HOXA3: variants seen among roughly 807,000 people sequenced by gnomAD.
HOXA3 encodes the protein homeobox A3, also known as homeobox protein Hox-A3.
In HOXA3, 8 loss-of-function variants were observed where a neutral mutation model predicts 30.3. That is an observed-to-expected ratio of 0.26 (90% CI 0.15 to 0.48). The LOEUF is 0.48. Ranked by LOEUF, HOXA3 falls within the 20% of genes least tolerant of loss-of-function variation. HOXA3 has a pLI of 0.99. For synonymous variants in HOXA3, 323 were observed against 273.1 expected (o/e 1.18, Z -1.80); for missense variants, 653 against 614.4 (o/e 1.06, Z -0.66).
intron 4 of HOXA3, among the ~76,000 whole-genome samples, chr7:27,111,178 G>C (rs1784355039): frequency 1.3e-5 from 2 of 152,214 alleles, no homozygotes; most frequent in African/African-American, 4.8e-5. Context: ...GGAATGTTGG[G>C]AAGGGAACGA....
intron 4 of HOXA3, among the ~76,000 whole-genome samples, chr7:27,111,310 G>C (rs143007259): frequency 6.6e-6 from 1 of 152,300 alleles, no homozygotes; most frequent in Admixed American, 6.5e-5. Flanking sequence ...CTGCTCCCAA[G>C]AGAGGTTTGC....
At position 27,129,365 on chromosome 7, in the gene HOXA3, T is replaced by C. The variant is rs1277884800; in HGVS notation, c.-389-2295A>G. 2 of 1,613,960 alleles carry C rather than the reference T, an allele frequency of 1.2e-6. No individual in the cohort carries two copies. The highest frequency in any genetic ancestry group is 2.7e-5 in the African/African-American group (2 of 74,876). ...GATCGCATCTTGGTGTTGGGCAGTTTGTGGTCTTTCTTCCACTTCATCCTC... is the reference window on the plus strand; with the variant it reads ...GATCGCATCTTGGTGTTGGGCAGTTCGTGGTCTTTCTTCCACTTCATCCTC... On this transcript the variant is annotated intron_variant, in intron 2 of 5. Coordinates refer to ENST00000612286, the MANE Select transcript of HOXA3 (RefSeq NM_153631.3).
At chr7:27,147,254 T>G (rs775595249) in intron 1 of HOXA3, 2 of 1,494,428 alleles carry the variant, frequency 1.3e-6, no homozygotes, top group Middle Eastern at 1.8e-4. Flanking sequence ...CCTTCTTTCT[T>G]TCTTTTCCTG....
chr7:27,147,396 C>T (rs1562732394), intron 1 of HOXA3: 1 of 1,614,220 alleles, frequency 6.2e-7, no homozygotes, highest in Non-Finnish European at 8.5e-7. Flanking sequence ...CTTTGCCCTG[C>T]CCGCTGCTGC....
At chr7:27,128,204 G>T (rs1785363860) in intron 2 of HOXA3, 2 of 152,242 alleles carry the variant, frequency 1.3e-5, no homozygotes, top group Admixed American at 1.3e-4. Flanking sequence ...TTGCAGGGAA[G>T]GACACGTTTC....
intron 2 of HOXA3, chr7:27,129,981 T>A: frequency 2.0e-6 from 2 of 1,010,202 alleles, no homozygotes; most frequent in South Asian, 3.0e-5. Context: ...CATACCCACA[T>A]CTCACCGCAG....
chr7:27,109,651 CT>C (rs1208485732), intron 5 of HOXA3, among the ~76,000 whole-genome samples: 2 of 152,218 alleles, frequency 1.3e-5, no homozygotes, highest in Non-Finnish European at 2.9e-5. Context: ...GCCACTCCAT[CT>C]GCTGGAGCAA....
Position 27,110,773 on chromosome 7 carries a change from G to A in HOXA3, c.-120-13C>T. ...GCCCCGCGCAGACCTGGTGGGGCGA[G>A]AAGCGCAGCGCGGTGAGGGCTCCGC... On this transcript the variant is annotated splice_polypyrimidine_tract_variant and intron_variant, in intron 4 of 5. Coordinates refer to ENST00000612286, the MANE Select transcript of HOXA3 (RefSeq NM_153631.3). The A allele has an allele frequency of 7.1e-7, 1 of 1,400,500 alleles. No homozygotes were observed. The highest frequency in any genetic ancestry group is 9.8e-7 in the Non-Finnish European group (1 of 1,020,342). 86.8% of individuals were successfully genotyped at this position (1,400,500 alleles called of 1,614,324 possible).
chr7:27,152,341 C>T lies in HOXA3; in HGVS notation c.-547G>A, dbSNP rs1458937191. ...GCCCCTCTGACAGCTGTCGCTTGGGCAGCCCGAGAGAAGAATTGTCCTCTT... is the reference window on the plus strand; with the variant it reads ...GCCCCTCTGACAGCTGTCGCTTGGGTAGCCCGAGAGAAGAATTGTCCTCTT... On this transcript the variant is annotated 5_prime_UTR_variant, in exon 1 of 6. Transcript: ENST00000612286. The T allele has an allele frequency of 2.1e-5, 26 of 1,251,508 alleles. No homozygotes were observed. The South Asian group carries it at 3.1e-4, about 15-fold the overall frequency. The allele number at this position is 1,251,508 out of a possible 1,614,324, so 77.5% of individuals were successfully genotyped here. A position where few individuals can be genotyped will look rare whatever the true frequency, so the allele number is the denominator to read the frequency against.
chr7:27,137,706 C>T (rs1279764470), intron 2 of HOXA3, among the ~76,000 whole-genome samples: 3 of 152,172 alleles, frequency 2.0e-5, no homozygotes, highest in Non-Finnish European at 4.4e-5. Flanking sequence ...GTGGGTTTGC[C>T]TGCTCTCTTA....
intron 3 of HOXA3, chr7:27,124,269 T>G (rs1583389980): frequency 6.6e-6 from 1 of 152,140 alleles, no homozygotes; most frequent in Admixed American, 6.5e-5. Flanking sequence ...CCGGCGCGGG[T>G]GATTTATGAA....
rs1352325081 is a variant in HOXA3, at chr7:27,113,988, A to T, written c.-120-3228T>A. ...GGCTCTGCCTGGGCTAGTGGCACCG[A>T]CTTGGGTATGTTTCTTATGAATATT... is the stretch of plus-strand genomic sequence containing the variant. On this transcript the variant is annotated intron_variant, in intron 4 of 5. Transcript: ENST00000612286. The surrounding 1 kb of genome is among the most constrained non-coding windows in gnomAD (Gnocchi z 4.8). The T allele has an allele frequency of 6.8e-6, 1 of 147,392 alleles. No individual in the cohort carries two copies. The highest frequency in any genetic ancestry group is 6.7e-5 in the Admixed American group (1 of 14,964). The allele number at this position is 147,392 out of a possible 1,614,324, so 9.1% of individuals were successfully genotyped here. A position where few individuals can be genotyped will look rare whatever the true frequency, so the allele number is the denominator to read the frequency against.
At chr7:27,132,061 C>T (rs1785579452) in intron 2 of HOXA3, among the ~76,000 whole-genome samples, 1 of 152,178 alleles carries the variant, frequency 6.6e-6, no homozygotes, top group African/African-American at 2.4e-5. Flanking sequence ...GAAGTAAATA[C>T]TGATGCCTTA....
Position 27,110,746 on chromosome 7 carries a change from C to T in HOXA3, c.-106G>A. 1.3e-6 allele frequency: 2 copies of T among 1,542,210 alleles called. No homozygotes were observed. Among genetic ancestry groups the T allele is most frequent in the South Asian group, 2.3e-5 (2 of 85,570 alleles). On this transcript the variant is annotated 5_prime_UTR_variant, in exon 5 of 6. Transcript: ENST00000612286. ...TCACGTGACACTCCGCCGCCAATGGCCGCCCCGCGCAGACCTGGTGGGGCG... is the reference window on the plus strand; with the variant it reads ...TCACGTGACACTCCGCCGCCAATGGTCGCCCCGCGCAGACCTGGTGGGGCG...
At chr7:27,112,835 A>G (rs1205577158) in intron 4 of HOXA3, among the ~76,000 whole-genome samples, 1 of 152,274 alleles carries the variant, frequency 6.6e-6, no homozygotes, top group Non-Finnish European at 1.5e-5. Flanking sequence ...CTAATCCATT[A>G]TCACGTTATA....
intron 2 of HOXA3, chr7:27,130,511 C>A (rs1402487462): frequency 7.6e-7 from 1 of 1,315,522 alleles, no homozygotes; most frequent in Non-Finnish European, 9.7e-7. Context: ...GTCCGCGGCG[C>A]GTAGTAGGAG....
Position 27,108,351 on chromosome 7 carries a change from T to C in HOXA3, c.896A>G (p.Lys299Arg), listed in dbSNP as rs1234899381. 6.6e-7 allele frequency: 1 copy of C among 1,521,756 alleles called. No homozygotes were observed. Among genetic ancestry groups the C allele is most frequent in the South Asian group, 1.2e-5 (1 of 81,926 alleles). The allele number at this position is 1,521,756 out of a possible 1,614,324, so 94.3% of individuals were successfully genotyped here. A position where few individuals can be genotyped will look rare whatever the true frequency, so the allele number is the denominator to read the frequency against. The part of the protein sequence containing the change: ...YEPQSPPPFS[K>R]PPQGTYGLPP... ...CAGCCCGTAGGTACCCTGGGGGGGC[T>C]TGGAGAAGGGCGGGGGCGACTGGGG... The change falls in exon 6 of 6, where the codon AAG becomes AGG. Residue 299 changes from lysine (K) to arginine (R), a missense_variant. Transcript: ENST00000612286. The surrounding 1 kb of genome is among the most constrained non-coding windows in gnomAD (Gnocchi z 5.0).
chr7:27,143,903 G>A (rs1364578878), intron 1 of HOXA3, among the ~76,000 whole-genome samples: 2 of 152,192 alleles, frequency 1.3e-5, no homozygotes, highest in East Asian at 3.9e-4. Flanking sequence ...CCGCCGTTCA[G>A]CCGGACTCGA....
intron 2 of HOXA3, chr7:27,134,292 C>A (rs539433986): frequency 6.6e-6 from 1 of 152,298 alleles, no homozygotes; most frequent in Admixed American, 6.5e-5. Flanking sequence ...AAATAATGCA[C>A]ACAACGCAGG....
Sources: gnomAD v4.1 joint callset for allele counts (sites outside exome capture counted in the v4.1 genomes callset) on GRCh38, gnomAD v4.1.1 for gene constraint, Gnocchi (gnomAD v3.1) non-coding constraint, MANE v1.5 for transcripts, NCBI Gene and HGNC (gene_info 2026-07-23, HGNC 2026-07-21) for gene names.